OSBPL11: variants seen among roughly 807,000 people sequenced by gnomAD.
OSBPL11 encodes oxysterol-binding protein-related protein 11.
A neutral mutation model predicts 84.4 loss-of-function variants in OSBPL11; 33 were observed. That is an observed-to-expected ratio of 0.39 (90% CI 0.30 to 0.52). The LOEUF (loss-of-function observed/expected upper bound fraction) is 0.52. OSBPL11 is among the 20% of genes least tolerant of loss of function. The pLI, the probability that OSBPL11 is intolerant of heterozygous loss-of-function variation, is 0.72. For missense variants in OSBPL11, 736 were observed against 901.1 expected, an observed-to-expected ratio of 0.82 and a Z score of 2.35; for synonymous variants, 276 against 310.2, an observed-to-expected ratio of 0.89 and a Z score of 1.16.
At chr3:125,538,677 T>C in intron 10 of OSBPL11, 44 bp from the exon 11 acceptor site, 6 of 1,520,178 alleles carry the variant, frequency 3.9e-6, no homozygotes, top group South Asian at 1.3e-5. Context: ...ATAAGTGATA[T>C]CATGTTTGTT....
intron 6 of OSBPL11, among the ~76,000 whole-genome samples, chr3:125,566,900 A>C (rs998671249): frequency 5.9e-5 from 9 of 152,042 alleles, no homozygotes; most frequent in African/African-American, 2.2e-4. Context: ...CTCCTGCCTC[A>C]GCCTCCCAAG....
intron 1 of OSBPL11, among the ~76,000 whole-genome samples, chr3:125,591,488 G>A (rs1365636588): frequency 6.6e-6 from 1 of 152,070 alleles, no homozygotes; most frequent in Non-Finnish European, 1.5e-5. Context: ...AGCCCATGTG[G>A]CCAGTGAACA....
At chr3:125,570,120 G>A (rs1936221352) in intron 5 of OSBPL11, among the ~76,000 whole-genome samples, 1 of 152,082 alleles carries the variant, frequency 6.6e-6, no homozygotes, top group African/African-American at 2.4e-5. Flanking sequence ...ACTTGAAAGA[G>A]AAAATAGTAT....
chr3:125,588,901 G>A (rs994331095), intron 1 of OSBPL11, among the ~76,000 whole-genome samples: 3 of 152,060 alleles, frequency 2.0e-5, no homozygotes, highest in Admixed American at 6.6e-5. Flanking sequence ...ACTCAAAATC[G>A]CAAACAAAAT....
At chr3:125,575,189 C>T (rs1396271049) in intron 5 of OSBPL11, among the ~76,000 whole-genome samples, 1 of 151,678 alleles carries the variant, frequency 6.6e-6, no homozygotes, top group Non-Finnish European at 1.5e-5. Flanking sequence ...TCTATATGTT[C>T]TATACATATA....
At chr3:125,535,413 T>C (rs960408920) in intron 11 of OSBPL11, among the ~76,000 whole-genome samples, 3 of 151,146 alleles carry the variant, frequency 2.0e-5, no homozygotes, top group African/African-American at 7.3e-5. Context: ...CATTACAAAA[T>C]TTTAGCAAAT....
At chr3:125,590,247 T>G (rs994617880) in intron 1 of OSBPL11, among the ~76,000 whole-genome samples, 1 of 152,192 alleles carries the variant, frequency 6.6e-6, no homozygotes, top group South Asian at 2.1e-4. Flanking sequence ...AATTAAGTTC[T>G]TAAGTTTAAT....
chr3:125,547,601 G>A lies in OSBPL11; in HGVS notation c.1655-9C>T. The A allele has an allele frequency of 6.3e-7, 1 of 1,575,098 alleles. No homozygotes were observed. The highest frequency in any genetic ancestry group is 8.6e-7 in the Non-Finnish European group (1 of 1,158,332). On this transcript the variant is annotated splice_polypyrimidine_tract_variant and intron_variant, in intron 9 of 12. Coordinates refer to ENST00000296220, the MANE Select transcript of OSBPL11 (RefSeq NM_022776.5). ...CAACAGACTAAGGATACCTGAATGT[G>A]AAAACATGAGGGTGGTTAACATCTT...
In OSBPL11 at chr3:125,557,791, C is replaced by CTTTTT. The variant is rs11295103; in HGVS notation, c.1155+2583_1155+2587dup. Among the ~76,000 whole-genome samples, 490 of 81,908 alleles carry CTTTTT rather than the reference C, an allele frequency of 6.0e-3. 1 individual carries two copies. The highest frequency in any genetic ancestry group is 0.011 in the Middle Eastern group (1 of 92). The allele number at this position is 81,908 out of a possible 152,430, so 53.7% of individuals were successfully genotyped here. ...ATATATGTGTAACACATACAACTTT[C>CTTTTT]TTTTTTTTTTTTTTTTTTTTTTTTG... On this transcript the variant is annotated intron_variant, in intron 8 of 12. Coordinates refer to ENST00000296220, the MANE Select transcript of OSBPL11 (RefSeq NM_022776.5).
At chr3:125,559,733 C>T (rs1276240712) in intron 8 of OSBPL11, among the ~76,000 whole-genome samples, 3 of 151,888 alleles carry the variant, frequency 2.0e-5, no homozygotes, top group East Asian at 3.9e-4. Context: ...GTTGGGGTTT[C>T]ACCACGTTGG....
intron 1 of OSBPL11, among the ~76,000 whole-genome samples, chr3:125,585,312 G>C (rs1936489028): frequency 6.6e-6 from 1 of 151,878 alleles, no homozygotes; most frequent in African/African-American, 2.4e-5. Context: ...TGTATTTTTA[G>C]TAGAGATGGA....
intron 5 of OSBPL11, among the ~76,000 whole-genome samples, chr3:125,570,410 G>A (rs1385560350): frequency 3.3e-5 from 5 of 151,800 alleles, no homozygotes; most frequent in Non-Finnish European, 7.4e-5. Flanking sequence ...CCAGCTACTT[G>A]GGAGGCTGAG....
At chr3:125,576,460 A>C (rs1397933278) in intron 4 of OSBPL11, 95 bp from the exon 5 acceptor site, 13 of 921,184 alleles carry the variant, frequency 1.4e-5, no homozygotes, top group Non-Finnish European at 2.0e-5. Flanking sequence ...ACACATGAGC[A>C]GCGTTTAAAA....
intron 1 of OSBPL11, among the ~76,000 whole-genome samples, chr3:125,593,459 A>T (rs1373061974): frequency 6.6e-6 from 1 of 151,948 alleles, no homozygotes; most frequent in African/African-American, 2.4e-5. Context: ...ATCTCTACTA[A>T]AAATACAAAA....
At chr3:125,573,619 T>C (rs1439433297) in intron 5 of OSBPL11, among the ~76,000 whole-genome samples, 1 of 152,050 alleles carries the variant, frequency 6.6e-6, no homozygotes, top group Non-Finnish European at 1.5e-5. Flanking sequence ...TCCCAGCACT[T>C]TGGGAGGCCG....
intron 4 of OSBPL11, among the ~76,000 whole-genome samples, chr3:125,578,520 G>A (rs1436387602): frequency 6.6e-6 from 1 of 152,162 alleles, no homozygotes; most frequent in African/African-American, 2.4e-5. Context: ...AAGGTGGGCG[G>A]ATCACTTGAG....
In OSBPL11 at chr3:125,592,069, A is replaced by ACTTC. The variant is rs10528662; in HGVS notation, c.164+2567_164+2568insGAAG. ...ACTTCATGAAAACAACTATTTATTT[A>ACTTC]ACTATTTTTGAGACAGGGTCTTGCT... On this transcript the variant is annotated intron_variant, in intron 1 of 12. Transcript: ENST00000296220. 2.6e-5 allele frequency among the ~76,000 whole-genome samples: 4 copies of ACTTC among 151,882 alleles called. No homozygotes were observed. In the East Asian group the frequency reaches 7.7e-4, roughly 29 times the overall value.
rs773285359 is a variant in OSBPL11 at position 125,547,570 on chromosome 3, A to G, written c.1677T>C (p.His559=). ...GTAGAGAAAATGTGTACTCTTCTCC[A>G]TGCTCCAACAGACTAAGGATACCTG... ...VGEGILSLLE[H]GEEYTFSLPC... is the part of the protein sequence containing the mutation. The change falls in exon 10 of 13, where the codon CAT becomes CAC. Residue 559 remains histidine (H), a synonymous_variant. Transcript: ENST00000296220. 3.1e-6 allele frequency: 5 copies of G among 1,611,008 alleles called. No homozygotes were observed. In the Admixed American group the frequency reaches 8.4e-5, roughly 27 times the overall value.
chr3:125,578,905 A>C (rs1936375747), intron 4 of OSBPL11, 55 bp downstream of exon 4: 2 of 1,155,330 alleles, frequency 1.7e-6, no homozygotes, highest in Non-Finnish European at 2.4e-6. Context: ...GGCAAAAAAT[A>C]AAAAATATTC....
Sources: gnomAD v4.1 joint callset for allele counts (sites outside exome capture counted in the v4.1 genomes callset) on GRCh38, gnomAD v4.1.1 for gene constraint, MANE v1.5 for transcripts, NCBI Gene and HGNC (gene_info 2026-07-23, HGNC 2026-07-21) for gene names.